Variants in WDR36 observed in about 807,000 individuals in gnomAD.
WDR36 encodes WD repeat domain 36, also known as WD repeat-containing protein 36.
WDR36 carries 63 observed loss-of-function variants against 112.7 expected under a neutral mutation model. The ratio of observed to expected loss-of-function variants is 0.56; its 90% CI spans 0.46 to 0.69. The LOEUF (loss-of-function observed/expected upper bound fraction) is 0.69. Among genes scored for constraint, WDR36 ranks in the 30% least tolerant of loss-of-function variants. WDR36 has a pLI of 0.00. For missense variants in WDR36, 1,226 were observed against 1,070.3 expected, an observed-to-expected ratio of 1.15 and a Z score of -2.03; for synonymous variants, 410 against 362.2, an observed-to-expected ratio of 1.13 and a Z score of -1.50.
At chr5:111,110,721 T>C in intron 13 of WDR36, 67 bp from the exon 14 acceptor site, 1 of 1,502,016 alleles carries the variant, frequency 6.7e-7, no homozygotes, top group Non-Finnish European at 9.2e-7. Flanking sequence ...GGAATCACTG[T>C]GTGTATTGTT....
intron 7 of WDR36, 119 bp from the exon 8 acceptor site, chr5:111,104,058 A>G: frequency 5.8e-6 from 8 of 1,380,112 alleles, no homozygotes; most frequent in Non-Finnish European, 8.0e-6. Context: ...AAATATGAAT[A>G]GATTATTGGT....
In WDR36 at chr5:111,104,774, T is replaced by C; in HGVS notation, c.984T>C (p.Asn328=). 4 of 1,611,244 alleles carry C rather than the reference T, an allele frequency of 2.5e-6. No homozygotes were observed. The highest frequency in any genetic ancestry group is 3.4e-6 in the Non-Finnish European group (4 of 1,177,860). The part of the protein sequence containing the change: ...FRMGHSAPLT[N]IRYYGQNGQQ... ...TGGGTCATAGTGCTCCTCTTACCAA[T>C]ATCAGATATTATGGACAGAATGGAC... is the stretch of plus-strand genomic sequence containing the variant. Residue 328 remains asparagine, a synonymous_variant, in exon 9 of 23, where the codon AAT becomes AAC. Transcript: ENST00000513710.
chr5:111,118,995 T>G lies in WDR36; in HGVS notation c.1797-18T>G. On this transcript the variant is annotated intron_variant, in intron 16 of 22. Coordinates refer to ENST00000513710, the MANE Select transcript of WDR36 (RefSeq NM_139281.3). ...TGGTAGAGTTCAAATACTTTTAACATGTTAATTATTTCTGTAGCCTTATAG... is the reference window on the plus strand; with the variant it reads ...TGGTAGAGTTCAAATACTTTTAACAGGTTAATTATTTCTGTAGCCTTATAG... 2 of 1,587,630 alleles carry G rather than the reference T, an allele frequency of 1.3e-6. No homozygotes were observed. The highest frequency in any genetic ancestry group is 1.1e-5 in the South Asian group (1 of 90,542).
intron 16 of WDR36, 125 bp from the exon 17 acceptor site, chr5:111,118,888 T>C: frequency 1.4e-6 from 1 of 723,812 alleles, no homozygotes; most frequent in Non-Finnish European, 2.4e-6. Context: ...TCAATGCTGG[T>C]GATTAAAAAA....
In WDR36 at chr5:111,094,940, T is replaced by G. The variant is rs752303467; in HGVS notation, c.183T>G (p.Val61=). The change falls in exon 2 of 23, where the codon GTT becomes GTG. Residue 61 remains valine (V), a synonymous_variant. Coordinates refer to ENST00000513710, the MANE Select transcript of WDR36 (RefSeq NM_139281.3). ...HTYDVQKLSL[V]AVSNSVPQDI... is the part of the protein sequence containing the mutation. ...AACAGGTTCAGAAACTTAGTCTGGT[T>G]GCAGTAAGTAAGTATGGACTTTATT... 1.9e-6 allele frequency: 3 copies of G among 1,606,958 alleles called. No individual in the cohort carries two copies. In the South Asian group the frequency reaches 3.3e-5, roughly 18 times the overall value.
intron 16 of WDR36, among the ~76,000 whole-genome samples, chr5:111,115,402 C>T (rs956527688): frequency 6.6e-6 from 1 of 151,722 alleles, no homozygotes; most frequent in African/African-American, 2.4e-5. Flanking sequence ...GTTATTAGTC[C>T]CATTTCAAAA....
intron 13 of WDR36, among the ~76,000 whole-genome samples, 157 bp from the exon 14 acceptor site, chr5:111,110,631 A>G (rs1753313015): frequency 1.3e-5 from 2 of 151,588 alleles, no homozygotes; most frequent in African/African-American, 4.8e-5. Flanking sequence ...ATAATTAAGA[A>G]TCTTCTTACA....
chr5:111,108,535 C>G (rs1400616395), intron 12 of WDR36, among the ~76,000 whole-genome samples: 1 of 149,074 alleles, frequency 6.7e-6, no homozygotes, highest in East Asian at 1.9e-4. Context: ...CGTAAAGATT[C>G]TATCTTACGC....
At chr5:111,124,071 G>C (rs1580405516) in intron 20 of WDR36, 37 bp from the exon 21 acceptor site, 1 of 1,606,510 alleles carries the variant, frequency 6.2e-7, no homozygotes, top group Non-Finnish European at 8.5e-7. Context: ...GGTGATACTT[G>C]AATTATTTGA....
chr5:111,122,779 A>T (rs1414598259), intron 19 of WDR36, among the ~76,000 whole-genome samples: 1 of 152,096 alleles, frequency 6.6e-6, no homozygotes, highest in African/African-American at 2.4e-5. Context: ...AAATTGTGAG[A>T]CTTCTTTATT....
At chr5:111,095,142 T>A in intron 2 of WDR36, 195 bp downstream of exon 2, 1 of 577,406 alleles carries the variant, frequency 1.7e-6, no homozygotes, top group East Asian at 2.9e-5. Flanking sequence ...TTATTTTCTT[T>A]AATCTGGAAC....
intron 3 of WDR36, among the ~76,000 whole-genome samples, chr5:111,097,409 G>C (rs1432288511): frequency 6.6e-6 from 1 of 152,074 alleles, no homozygotes. Flanking sequence ...AAAATTACTT[G>C]GAGACCTTCT....
intron 16 of WDR36, among the ~76,000 whole-genome samples, chr5:111,113,731 G>A (rs1435277927): frequency 1.3e-5 from 2 of 152,128 alleles, no homozygotes; most frequent in African/African-American, 4.8e-5. Context: ...TCTGGTGAGA[G>A]CCTTCTTGCT....
chr5:111,120,102 G>T (rs1346489051), intron 17 of WDR36, among the ~76,000 whole-genome samples: 2 of 152,064 alleles, frequency 1.3e-5, no homozygotes, highest in African/African-American at 2.4e-5. Flanking sequence ...GGGAATCTAT[G>T]ACCTTTCAGC....
At chr5:111,113,897 A>T (rs1484294051) in intron 16 of WDR36, among the ~76,000 whole-genome samples, 1 of 152,172 alleles carries the variant, frequency 6.6e-6, no homozygotes, top group Non-Finnish European at 1.5e-5. Context: ...GGGTTAATCC[A>T]TTAATGAGGA....
At chr5:111,101,719 G>T (rs1275092436) in intron 5 of WDR36, among the ~76,000 whole-genome samples, 2 of 151,712 alleles carry the variant, frequency 1.3e-5, no homozygotes, top group African/African-American at 4.8e-5. Flanking sequence ...ATTATTAAAG[G>T]TTTGATGTTT....
At chr5:111,112,561 A>G (rs967076455) in intron 15 of WDR36, among the ~76,000 whole-genome samples, 4 of 152,052 alleles carry the variant, frequency 2.6e-5, no homozygotes, top group South Asian at 4.1e-4. Context: ...CTTAGGTACT[A>G]CAGGCAGAGA....
rs771367905 is a variant in WDR36 at position 111,107,388 on chromosome 5, C to A, written c.1275C>A (p.Gly425=). The A allele has an allele frequency of 2.7e-5, 43 of 1,610,340 alleles. 1 individual carries two copies. The Admixed American group carries it at 7.0e-4, about 26-fold the overall frequency. The change falls in exon 12 of 23, where the codon GGC becomes GGA. Residue 425 remains glycine, a synonymous_variant. Coordinates refer to ENST00000513710, the MANE Select transcript of WDR36 (RefSeq NM_139281.3). The part of the protein sequence containing the change: ...STWNYQKSTI[G]AYFLKPKELK... ...GGAATTATCAGAAATCTACAATAGGCGCTTACTTTCTCAAGCCAAAAGAGT... is the reference window on the plus strand; with the variant it reads ...GGAATTATCAGAAATCTACAATAGGAGCTTACTTTCTCAAGCCAAAAGAGT...
intron 3 of WDR36, 64 bp downstream of exon 3, chr5:111,097,243 T>C: frequency 8.4e-7 from 1 of 1,190,032 alleles, no homozygotes. Context: ...TGGAGGGAAC[T>C]TTAATTTTGT....
Sources: allele counts gnomAD v4.1 joint callset (sites outside exome capture counted in the v4.1 genomes callset), GRCh38; gene constraint gnomAD v4.1.1; transcripts MANE v1.5; gene names NCBI Gene and HGNC (gene_info 2026-07-23, HGNC 2026-07-21).